Variants in SNRPF observed in about 807,000 individuals in gnomAD.
SNRPF encodes the protein small nuclear ribonucleoprotein F.
Under a neutral mutation model 13.4 loss-of-function variants are expected in SNRPF, and 1 was observed. The observed-to-expected ratio is 0.07, with a 90% confidence interval of 0.03 to 0.35. The LOEUF is 0.35. SNRPF is among the 10% of genes least tolerant of loss of function. The pLI is 0.99. For synonymous variants in SNRPF, 27 were observed against 32.1 expected (o/e 0.84, Z 0.54); for missense variants, 53 against 101.0 (o/e 0.52, Z 2.04).
intron 2 of SNRPF, among the ~76,000 whole-genome samples, chr12:95,864,122 T>C (rs1325557370): frequency 6.6e-6 from 1 of 152,268 alleles, no homozygotes; most frequent in African/African-American, 2.4e-5. Context: ...GACAAAACTA[T>C]ATCATCTGGA....
chr12:95,864,182 A>G (rs2079510521), intron 2 of SNRPF, among the ~76,000 whole-genome samples: 1 of 152,200 alleles, frequency 6.6e-6, no homozygotes, highest in Admixed American at 6.5e-5. Context: ...AACATCCAGT[A>G]GTAGTGTTCA....
At chr12:95,861,550 A>G (rs982816290) in intron 2 of SNRPF, 11 of 274,088 alleles carry the variant, frequency 4.0e-5, no homozygotes, top group Non-Finnish European at 7.0e-5. Context: ...TCATAATAAT[A>G]CCATAAGGGA....
chr12:95,862,395 T>C (rs1032705322), intron 2 of SNRPF, among the ~76,000 whole-genome samples: 1 of 152,224 alleles, frequency 6.6e-6, no homozygotes, highest in Admixed American at 6.5e-5. Context: ...GTGGAATTAC[T>C]GGATTACTGG....
chr12:95,859,703 C>T (rs1043512117), intron 1 of SNRPF, among the ~76,000 whole-genome samples: 2 of 152,102 alleles, frequency 1.3e-5, no homozygotes. Flanking sequence ...AAAGCTTGGT[C>T]ATTTGGAGAA....
intron 1 of SNRPF, 103 bp downstream of exon 1, chr12:95,859,179 G>C (rs1363082793): frequency 1.4e-5 from 15 of 1,041,894 alleles, no homozygotes; most frequent in Non-Finnish European, 2.2e-5. Flanking sequence ...ATTCATCCGC[G>C]TGAGGCGCCG....
chr12:95,859,041 G>C lies in SNRPF; in HGVS notation c.-33G>C, dbSNP rs1403882672. On this transcript the variant is annotated 5_prime_UTR_variant, in exon 1 of 4. Coordinates refer to ENST00000266735, the MANE Select transcript of SNRPF (RefSeq NM_003095.5). ...GGGACGGGCGGCGGCCTGGTCGGCA[G>C]AGAGTAGCCTGCAACATTCGGCCGT... 1.2e-6 allele frequency: 2 copies of C among 1,612,118 alleles called. No individual in the cohort carries two copies. Among genetic ancestry groups the C allele is most frequent in the Admixed American group, 3.3e-5 (2 of 59,804 alleles).
intron 1 of SNRPF, among the ~76,000 whole-genome samples, chr12:95,859,745 T>C (rs768953878): frequency 1.3e-5 from 2 of 152,144 alleles, no homozygotes; most frequent in Non-Finnish European, 2.9e-5. Flanking sequence ...CTTGCGCGAA[T>C]AGTGGTTAAG....
chr12:95,863,586 T>C (rs1267980221), intron 2 of SNRPF, among the ~76,000 whole-genome samples: 2 of 152,170 alleles, frequency 1.3e-5, no homozygotes, highest in Non-Finnish European at 2.9e-5. Flanking sequence ...ACTGTGAATA[T>C]AGCATTGAAC....
In SNRPF at chr12:95,861,261, C is replaced by A; in HGVS notation, c.97C>A (p.Leu33Met). ...GTGGGGAATGGAGTACAAGGGCTAT[C>A]TGGTATCTGTAGATGGCTACATGAA... ...LKWGMEYKGY[L>M]VSVDGYMNMQ... Residue 33 changes from leucine to methionine, a missense_variant, in exon 2 of 4, where the codon CTG (leucine) becomes ATG (methionine). Coordinates refer to ENST00000266735, the MANE Select transcript of SNRPF (RefSeq NM_003095.5). 6.2e-7 allele frequency: 1 copy of A among 1,612,142 alleles called. No homozygotes were observed. The highest frequency in any genetic ancestry group is 8.5e-7 in the Non-Finnish European group (1 of 1,178,856).
intron 2 of SNRPF, chr12:95,865,055 A>G: frequency 4.0e-6 from 1 of 251,252 alleles, no homozygotes; most frequent in East Asian, 7.4e-5. Flanking sequence ...CACTGTTTTA[A>G]TATCTAATAG....
At chr12:95,859,766 G>A (rs2079486039) in intron 1 of SNRPF, among the ~76,000 whole-genome samples, 1 of 152,204 alleles carries the variant, frequency 6.6e-6, no homozygotes, top group African/African-American at 2.4e-5. Flanking sequence ...AGATGGTATC[G>A]GAGGAGCAGG....
chr12:95,862,591 G>C (rs2079501302), intron 2 of SNRPF, among the ~76,000 whole-genome samples: 1 of 152,126 alleles, frequency 6.6e-6, no homozygotes. Flanking sequence ...GGTGTGGGCA[G>C]CTATATTCCC....
intron 2 of SNRPF, among the ~76,000 whole-genome samples, chr12:95,862,712 T>C (rs1473186288): frequency 6.6e-6 from 1 of 152,124 alleles, no homozygotes; most frequent in African/African-American, 2.4e-5. Flanking sequence ...TTTTTTTTTT[T>C]CTTTTGAGTA....
chr12:95,865,590 G>A (rs2079517405), intron 3 of SNRPF, among the ~76,000 whole-genome samples: 1 of 152,122 alleles, frequency 6.6e-6, no homozygotes, highest in South Asian at 2.1e-4. Context: ...CTGGCCAAAA[G>A]ATTTTTCTAG....
chr12:95,862,784 G>A (rs544987368), intron 2 of SNRPF, among the ~76,000 whole-genome samples: 51 of 151,890 alleles, frequency 3.4e-4, no homozygotes, highest in Non-Finnish European at 6.6e-4. Flanking sequence ...AATGCACAAC[G>A]GTTCCAGTTT....
At chr12:95,864,924 AT>A (rs1395660907) in intron 2 of SNRPF, among the ~76,000 whole-genome samples, 2 of 152,294 alleles carry the variant, frequency 1.3e-5, no homozygotes, top group Admixed American at 1.3e-4. Context: ...AAAGAAGAAA[AT>A]TCTTACTCAA....
chr12:95,860,217 G>A (rs565430571), intron 1 of SNRPF, among the ~76,000 whole-genome samples: 1 of 152,306 alleles, frequency 6.6e-6, no homozygotes, highest in Admixed American at 6.5e-5. Flanking sequence ...ACTGTCAAGC[G>A]TGATCTGCCC....
Position 95,865,986 on chromosome 12 carries a change from C to T in SNRPF, c.195-19C>T, listed in dbSNP as rs780413782. 15 of 1,272,092 alleles carry T rather than the reference C, an allele frequency of 1.2e-5. No individual in the cohort carries two copies. Among genetic ancestry groups the T allele is most frequent in the Middle Eastern group, 2.6e-4 (1 of 3,796 alleles). The allele number at this position is 1,272,092 out of a possible 1,614,324, so 78.8% of individuals were successfully genotyped here. On this transcript the variant is annotated intron_variant, in intron 3 of 3. Transcript: ENST00000266735. ...TGGTTTCTGGTTGGAACAACAAAAT[C>T]GACTTTTTCTATTTACAGGTGTAAT... is the stretch of plus-strand genomic sequence containing the variant.
At chr12:95,865,049 G>A in intron 2 of SNRPF, 1 of 243,236 alleles carries the variant, frequency 4.1e-6, no homozygotes, top group South Asian at 1.1e-4. Context: ...TCCACACACT[G>A]TTTTAATATC....
Sources: gnomAD v4.1 joint callset for allele counts (sites outside exome capture counted in the v4.1 genomes callset) on GRCh38, gnomAD v4.1.1 for gene constraint, MANE v1.5 for transcripts, NCBI Gene and HGNC (gene_info 2026-07-23, HGNC 2026-07-21) for gene names.